Variants in CYFIP1 observed in about 807,000 individuals in gnomAD.
CYFIP1 encodes the protein cytoplasmic FMR1-interacting protein 1.
Under a neutral mutation model 163.5 loss-of-function variants are expected in CYFIP1, and 58 were observed. The ratio of observed to expected loss-of-function variants is 0.35; its 90% confidence interval spans 0.29 to 0.44. The LOEUF (loss-of-function observed/expected upper bound fraction) is 0.44, where lower values mean the gene tolerates loss of function less well. CYFIP1 is among the 20% of genes least tolerant of loss of function. The probability of loss-of-function intolerance (pLI) is 1.00; values close to 1 mark genes in which losing one functional copy is unlikely to be tolerated. For synonymous variants in CYFIP1, 663 were observed against 660.7 expected, an observed-to-expected ratio of 1.00 and a Z score of -0.05; for missense variants, 1,338 against 1,653.8, an observed-to-expected ratio of 0.81 and a Z score of 3.31.
At chr15:22,956,772 C>T (rs549555151) in intron 1 of CYFIP1, among the ~76,000 whole-genome samples, 2 of 152,304 alleles carry the variant, frequency 1.3e-5, no homozygotes, top group African/African-American at 4.8e-5. Flanking sequence ...CGGGCCCAGG[C>T]TCCCAAGATG....
chr15:22,940,744 T>C (rs1420639287), intron 6 of CYFIP1, among the ~76,000 whole-genome samples: 1 of 152,222 alleles, frequency 6.6e-6, no homozygotes, highest in Non-Finnish European at 1.5e-5. Flanking sequence ...CTTGCCTTTT[T>C]AAACATGTTT....
Position 22,944,538 on chromosome 15 carries a change from C to T in CYFIP1, c.387+20G>A. ...CCACCCCTCGGTGTTACACCCCCCCCAGATTATTTGCCATTTTACCTGGAA... is the reference window on the plus strand; with the variant it reads ...CCACCCCTCGGTGTTACACCCCCCCTAGATTATTTGCCATTTTACCTGGAA... On this transcript the variant is annotated intron_variant, in intron 5 of 30. Transcript: ENST00000617928. 1.3e-6 allele frequency: 2 copies of T among 1,560,618 alleles called. No individual in the cohort carries two copies. Among genetic ancestry groups the T allele is most frequent in the Non-Finnish European group, 8.8e-7 (1 of 1,133,578 alleles).
intron 11 of CYFIP1, among the ~76,000 whole-genome samples, chr15:22,931,314 TGAG>T (rs1404824810): frequency 6.6e-6 from 1 of 151,898 alleles, no homozygotes; most frequent in Non-Finnish European, 1.5e-5. Flanking sequence ...CCTGGGTGAG[TGAG>T]GAGAATGGGA....
intron 12 of CYFIP1, 95 bp downstream of exon 12, chr15:22,927,811 G>A (rs1328856796): frequency 1.5e-6 from 2 of 1,293,302 alleles, no homozygotes; most frequent in Non-Finnish European, 2.1e-6. Flanking sequence ...CGTCTTTCTA[G>A]GGCCAAAGAT....
chr15:22,915,636 C>G (rs574741212), intron 16 of CYFIP1, among the ~76,000 whole-genome samples: 2 of 152,268 alleles, frequency 1.3e-5, no homozygotes, highest in South Asian at 4.1e-4. Flanking sequence ...ATAATCCCAG[C>G]TACTTGGGAG....
In CYFIP1 at chr15:22,868,788, T is replaced by G. The variant is rs2059330709; in HGVS notation, c.*1240A>C. The G allele has an allele frequency of 1.3e-5, 2 of 152,098 alleles. No individual in the cohort carries two copies. Among genetic ancestry groups the G allele is most frequent in the African/African-American group, 4.8e-5 (2 of 41,420 alleles). The allele number at this position is 152,098 out of a possible 1,614,324, so 9.4% of individuals were successfully genotyped here. ...TGGCAACTTGGCATCCATAGAAAAT[T>G]TTAAAATTGGTGAAGGTTGCAATAC... On this transcript the variant is annotated 3_prime_UTR_variant, in exon 31 of 31. Transcript: ENST00000617928.
At position 22,868,324 on chromosome 15, in the gene CYFIP1, T is replaced by C. The variant is rs1169088228; in HGVS notation, c.*1704A>G. On this transcript the variant is annotated 3_prime_UTR_variant, in exon 31 of 31. Transcript: ENST00000617928. ...CATAAAAGAACCAGTTTTCTCCCCC[T>C]TGAGGACAGAGACTCATTTGAACAT... 1.3e-5 allele frequency: 2 copies of C among 152,208 alleles called. No individual in the cohort carries two copies. The highest frequency in any genetic ancestry group is 2.9e-5 in the Non-Finnish European group (2 of 68,042). 9.4% of individuals were successfully genotyped at this position (152,208 alleles called of 1,614,324 possible).
At chr15:22,931,904 C>A (rs2061551585) in intron 11 of CYFIP1, among the ~76,000 whole-genome samples, 2 of 152,070 alleles carry the variant, frequency 1.3e-5, no homozygotes, top group South Asian at 4.1e-4. Context: ...CAAATACATA[C>A]CATTGTGTTA....
At chr15:22,893,557 C>G (rs942921377) in intron 22 of CYFIP1, among the ~76,000 whole-genome samples, 6 of 152,174 alleles carry the variant, frequency 3.9e-5, no homozygotes, top group African/African-American at 1.4e-4. Context: ...ATAAGAAAGA[C>G]AATTTTGTGG....
Position 22,892,760 on chromosome 15 carries a change from G to GA in CYFIP1, c.2676+129dup, listed in dbSNP as rs536217803. 4,240 of 620,030 alleles carry GA rather than the reference G, an allele frequency of 6.8e-3. 1 individual carries two copies. The highest frequency in any genetic ancestry group is 8.9e-3 in the South Asian group (400 of 44,744). The allele number at this position is 620,030 out of a possible 1,614,324, so 38.4% of individuals were successfully genotyped here. On this transcript the variant is annotated intron_variant, in intron 23 of 30. Coordinates refer to ENST00000617928, the MANE Select transcript of CYFIP1 (RefSeq NM_014608.6). ...TTTTCAGGAAGATGTTAACAGAATG[G>GA]AAAAAAAAAATAACATTTTATACAC...
intron 23 of CYFIP1, among the ~76,000 whole-genome samples, chr15:22,891,941 C>A (rs369547201): frequency 7.9e-5 from 12 of 152,242 alleles, no homozygotes; most frequent in African/African-American, 2.9e-4. Context: ...CAGCTCCAGG[C>A]ATTGGGCAGA....
intron 11 of CYFIP1, among the ~76,000 whole-genome samples, chr15:22,928,531 G>A (rs1362546306): frequency 3.3e-5 from 5 of 152,224 alleles, no homozygotes; most frequent in Non-Finnish European, 7.3e-5. Context: ...ACAGGCCGCT[G>A]CCACAGCCAC....
intron 9 of CYFIP1, 134 bp downstream of exon 9, chr15:22,936,970 A>ATC (rs1403079935): frequency 3.1e-6 from 2 of 652,626 alleles, no homozygotes; most frequent in Non-Finnish European, 5.4e-6. Flanking sequence ...CAGACGGGAG[A>ATC]ACGTGCATGC....
At chr15:22,892,788 C>A (rs989555649) in intron 23 of CYFIP1, 102 bp downstream of exon 23, 2 of 797,944 alleles carry the variant, frequency 2.5e-6, no homozygotes, top group African/African-American at 1.7e-5. Context: ...TTATACACAG[C>A]GTGATACATT....
intron 23 of CYFIP1, among the ~76,000 whole-genome samples, chr15:22,886,454 C>T (rs1289032962): frequency 6.6e-6 from 1 of 152,188 alleles, no homozygotes; most frequent in Non-Finnish European, 1.5e-5. Flanking sequence ...TAAATCACTT[C>T]TTTAGCTGTA....
At position 22,954,013 on chromosome 15, in the gene CYFIP1, G is replaced by A. The variant is rs80292035; in HGVS notation, c.-6-6722C>T. Among the ~76,000 whole-genome samples the A allele has an allele frequency of 1.1e-3, 160 of 152,204 alleles. 3 individuals are homozygous for A. In the East Asian group the frequency reaches 0.023, roughly 22 times the overall value. On this transcript the variant is annotated intron_variant, in intron 1 of 30. Coordinates refer to ENST00000617928, the MANE Select transcript of CYFIP1 (RefSeq NM_014608.6). ...GGAGCTTGCAGTGAGCCAAGATCGC[G>A]CCACTGCACTCCAGCCTGGGTGACA...
chr15:22,917,699 T>C lies in CYFIP1; in HGVS notation c.1674+89A>G, dbSNP rs374681543. On this transcript the variant is annotated intron_variant, in intron 15 of 30. Coordinates refer to ENST00000617928, the MANE Select transcript of CYFIP1 (RefSeq NM_014608.6). This position sits in a 1 kb window ranked among gnomAD's most constrained non-coding sequence, Gnocchi z 4.2. ...CTGAGCAGGCAGCGAGGACCTCATT[T>C]AACCCGGGCCTCACCAGCCCCACCC... 2 of 1,439,072 alleles carry C rather than the reference T, an allele frequency of 1.4e-6. No individual in the cohort carries two copies. The highest frequency in any genetic ancestry group is 9.2e-7 in the Non-Finnish European group (1 of 1,084,378). The allele number at this position is 1,439,072 out of a possible 1,614,324, so 89.1% of individuals were successfully genotyped here. A position where few individuals can be genotyped will look rare whatever the true frequency, so the allele number is the denominator to read the frequency against.
At chr15:22,889,406 T>C (rs1017448507) in intron 23 of CYFIP1, among the ~76,000 whole-genome samples, 3 of 152,158 alleles carry the variant, frequency 2.0e-5, no homozygotes, top group Non-Finnish European at 4.4e-5. Context: ...GGCATCTTAA[T>C]GGAAGCAACA....
At chr15:22,921,314 G>C (rs2061168127) in intron 13 of CYFIP1, among the ~76,000 whole-genome samples, 1 of 151,990 alleles carries the variant, frequency 6.6e-6, no homozygotes, top group Admixed American at 6.6e-5. Context: ...GTTGCAGTGA[G>C]CTGAGATGGC....
Sources: gnomAD v4.1 joint callset for allele counts (sites outside exome capture counted in the v4.1 genomes callset) on GRCh38, gnomAD v4.1.1 for gene constraint, Gnocchi (gnomAD v3.1) non-coding constraint, MANE v1.5 for transcripts, NCBI Gene and HGNC (gene_info 2026-07-23, HGNC 2026-07-21) for gene names.